PTCH1: variants seen among roughly 807,000 people sequenced by gnomAD.
PTCH1 encodes the protein protein patched homolog 1.
A neutral mutation model predicts 144.6 loss-of-function variants in PTCH1; 14 were observed. The ratio of observed to expected loss-of-function variants is 0.10; its 90% confidence interval spans 0.06 to 0.15. The LOEUF (loss-of-function observed/expected upper bound fraction) is 0.15. Ranked by LOEUF, PTCH1 falls within the 10% of genes least tolerant of loss-of-function variation. The pLI is 1.00. For synonymous variants in PTCH1, 833 were observed against 793.6 expected (o/e 1.05, Z -0.83); for missense variants, 1,623 against 1,948.3 (o/e 0.83, Z 3.14).
intron 15 of PTCH1, among the ~76,000 whole-genome samples, chr9:95,463,238 G>A (rs1003750541): frequency 1.3e-5 from 2 of 152,076 alleles, no homozygotes; most frequent in African/African-American, 4.8e-5. Flanking sequence ...TGGGGAGGGA[G>A]GGGGAGCACA....
chr9:95,481,311 C>T (rs1030409052), intron 5 of PTCH1, among the ~76,000 whole-genome samples: 2 of 152,236 alleles, frequency 1.3e-5, no homozygotes, highest in Admixed American at 1.3e-4. Context: ...CTGCAAATTG[C>T]TTTTGCAGAT....
intron 3 of PTCH1, chr9:95,484,305 T>G (rs571489006): frequency 6.6e-6 from 1 of 152,328 alleles, no homozygotes; most frequent in East Asian, 1.9e-4. Flanking sequence ...GGCAGAAACA[T>G]GATTTTACAT....
chr9:95,507,368 C>G, intron 1 of PTCH1: 1 of 985,502 alleles, frequency 1.0e-6, no homozygotes, highest in Non-Finnish European at 1.2e-6. Context: ...GCGGCATTTC[C>G]CCGGCGCTGG....
intron 12 of PTCH1, 147 bp downstream of exon 12, chr9:95,475,887 C>G: frequency 7.8e-7 from 1 of 1,280,382 alleles, no homozygotes; most frequent in Non-Finnish European, 1.1e-6. Flanking sequence ...AAAGCAGCAT[C>G]CACCCAGTTA....
chr9:95,446,314 C>CT lies in PTCH1; in HGVS notation c.*78dup. On this transcript the variant is annotated 3_prime_UTR_variant, in exon 24 of 24. Transcript: ENST00000331920. ...ATCTTTTCCATAACTCCAACCAGTT[C>CT]TCTTCAAGCAGTTCTGGAAAGAGGT... is the stretch of plus-strand genomic sequence containing the variant. The CT allele has an allele frequency of 2.0e-6, 1 of 511,624 alleles. No individual in the cohort carries two copies. Among genetic ancestry groups the CT allele is most frequent in the South Asian group, 1.4e-5 (1 of 70,138 alleles). 31.7% of individuals were successfully genotyped at this position (511,624 alleles called of 1,614,324 possible). A position where few individuals can be genotyped will look rare whatever the true frequency, so the allele number is the denominator to read the frequency against.
At position 95,469,079 on chromosome 9, in the gene PTCH1, G is replaced by T. The variant is rs2118053862; in HGVS notation, c.1922C>A (p.Pro641His). 1 of 1,614,086 alleles carries T rather than the reference G, an allele frequency of 6.2e-7. No homozygotes were observed. The highest frequency in any genetic ancestry group is 8.5e-7 in the Non-Finnish European group (1 of 1,180,028). ...GCTGTGGCTGCTGTAGGGAGGTGGGGGGCTGTAGCGGGTATTGTCGTGTGT... is the reference window on the plus strand; with the variant it reads ...GCTGTGGCTGCTGTAGGGAGGTGGGTGGCTGTAGCGGGTATTGTCGTGTGT... ...TDTHDNTRYS[P>H]PPPYSSHSFA... The change falls in exon 14 of 24, where the codon CCC (proline) becomes CAC (histidine). Residue 641 changes from proline to histidine, a missense_variant. This residue lies in a region of PTCH1 where 179 missense variants were observed against 165.7 expected (regional missense o/e 1.08). Coordinates refer to ENST00000331920, the MANE Select transcript of PTCH1 (RefSeq NM_000264.5).
At chr9:95,466,436 C>A (rs949775582) in intron 15 of PTCH1, among the ~76,000 whole-genome samples, 2 of 151,992 alleles carry the variant, frequency 1.3e-5, no homozygotes, top group Non-Finnish European at 2.9e-5. Flanking sequence ...AGTACCAAAT[C>A]AAAAAATGGT....
At position 95,508,864 on chromosome 9, in the gene PTCH1, A is replaced by T; in HGVS notation, c.-503T>A. The T allele has an allele frequency of 1.0e-6, 1 of 977,846 alleles. No individual in the cohort carries two copies. The highest frequency in any genetic ancestry group is 1.2e-6 in the Non-Finnish European group (1 of 825,136). 60.6% of individuals were successfully genotyped at this position (977,846 alleles called of 1,614,324 possible). On this transcript the variant is annotated 5_prime_UTR_variant, in exon 1 of 24. Coordinates refer to ENST00000331920, the MANE Select transcript of PTCH1 (RefSeq NM_000264.5). ...TCCCGGGTCGCCCGAGCGGCCGCGGAGGGCAAGCGCAGAGCCGCCGCCGCC... is the reference window on the plus strand; with the variant it reads ...TCCCGGGTCGCCCGAGCGGCCGCGGTGGGCAAGCGCAGAGCCGCCGCCGCC...
intron 16 of PTCH1, 54 bp downstream of exon 16, chr9:95,461,802 G>A: frequency 6.2e-7 from 1 of 1,610,398 alleles, no homozygotes; most frequent in South Asian, 1.1e-5. Flanking sequence ...GCCTCCACCA[G>A]GGCAGCGGCC....
intron 2 of PTCH1, among the ~76,000 whole-genome samples, chr9:95,490,549 A>G (rs1475510727): frequency 1.3e-5 from 2 of 150,684 alleles, no homozygotes; most frequent in Admixed American, 6.7e-5. Flanking sequence ...ACACACACAC[A>G]CACACACAAA....
upstream of PTCH1, among the ~76,000 whole-genome samples, chr9:95,512,792 T>C (rs1471088018): frequency 6.6e-6 from 1 of 152,194 alleles, no homozygotes; most frequent in African/African-American, 2.4e-5. Context: ...AAATGGCCCT[T>C]CTGCCTCTGG....
At chr9:95,510,297 T>C (rs1185044873), upstream of PTCH1, among the ~76,000 whole-genome samples, 1 of 152,242 alleles carries the variant, frequency 6.6e-6, no homozygotes, top group Admixed American at 6.5e-5. Context: ...ATGTTATATT[T>C]AATAATAGTA....
At chr9:95,484,341 T>A (rs1472983751) in intron 3 of PTCH1, 1 of 152,208 alleles carries the variant, frequency 6.6e-6, no homozygotes, top group African/African-American at 2.4e-5. Context: ...CATTCATGTA[T>A]CTGGTCTTGT....
At chr9:95,477,905 A>G in intron 9 of PTCH1, 150 bp downstream of exon 9, 1 of 1,474,434 alleles carries the variant, frequency 6.8e-7, no homozygotes, top group South Asian at 1.2e-5. Context: ...TTACACGACC[A>G]CTTTTAAACC....
chr9:95,453,784 C>T (rs1838679534), intron 19 of PTCH1, among the ~76,000 whole-genome samples, 164 bp from the exon 20 acceptor site: 2 of 152,234 alleles, frequency 1.3e-5, no homozygotes, highest in South Asian at 4.1e-4. Context: ...TAGACTTAAA[C>T]TAAGATGACC....
intron 22 of PTCH1, among the ~76,000 whole-genome samples, 189 bp downstream of exon 22, chr9:95,448,880 T>C (rs1057292277): frequency 1.3e-5 from 2 of 152,224 alleles, no homozygotes; most frequent in African/African-American, 4.8e-5. Context: ...CACAGGAAGA[T>C]GGCATTTGTA....
chr9:95,457,195 T>G (rs1290278674), intron 18 of PTCH1, among the ~76,000 whole-genome samples: 1 of 148,220 alleles, frequency 6.7e-6, no homozygotes, highest in Non-Finnish European at 1.5e-5. Flanking sequence ...AAACAACAAG[T>G]TACCAGATGG....
exon 1 of PTCH1, chr9:95,516,754 C>G (rs1564098716): frequency 6.2e-7 from 1 of 1,613,452 alleles, no homozygotes; most frequent in Non-Finnish European, 8.5e-7. Flanking sequence ...GCTGGGCCGC[C>G]GGAGGCTTTC....
intron 2 of PTCH1, among the ~76,000 whole-genome samples, chr9:95,505,464 T>G (rs28620668): frequency 0.4 from 60,302 of 151,958 alleles, 13,388 homozygotes; most frequent in African/African-American, 0.59. Context: ...ATTGAAACCT[T>G]TGTCACCAAA....
Sources: gnomAD v4.1 joint callset for allele counts (sites outside exome capture counted in the v4.1 genomes callset) on GRCh38, gnomAD v4.1.1 for gene constraint, gnomAD v4.1.1 regional missense constraint, MANE v1.5 for transcripts, NCBI Gene and HGNC (gene_info 2026-07-23, HGNC 2026-07-21) for gene names.